OXR1: variants seen among roughly 807,000 people sequenced by gnomAD.
OXR1 encodes the protein oxidation resistance 1.
OXR1 carries 41 observed loss-of-function variants against 104.6 expected under a neutral mutation model. That is an observed-to-expected ratio of 0.39 (90% CI 0.31 to 0.51). The LOEUF (loss-of-function observed/expected upper bound fraction) is 0.51, where lower values mean the gene tolerates loss of function less well. Ranked by LOEUF, OXR1 falls within the 20% of genes least tolerant of loss-of-function variation. The probability of loss-of-function intolerance (pLI) is 0.77; values close to 1 mark genes in which losing one functional copy is unlikely to be tolerated. For missense variants in OXR1, 955 were observed against 1,031.9 expected (o/e 0.93, Z 1.02); for synonymous variants, 348 against 348.4 (o/e 1.00, Z 0.01).
At chr8:106,577,046 A>G (rs1194195689) in intron 3 of OXR1, among the ~76,000 whole-genome samples, 1 of 152,148 alleles carries the variant, frequency 6.6e-6, no homozygotes, top group East Asian at 1.9e-4. Flanking sequence ...AAATTATTAA[A>G]TGTATGAGCT....
At chr8:106,304,170 C>A (rs1813380743) in intron 1 of OXR1, among the ~76,000 whole-genome samples, 2 of 152,114 alleles carry the variant, frequency 1.3e-5, no homozygotes, top group African/African-American at 4.8e-5. Flanking sequence ...CTATGCTAAA[C>A]CAAAATCTTG....
At chr8:106,493,103 A>T (rs1811203625) in intron 2 of OXR1, among the ~76,000 whole-genome samples, 1 of 152,172 alleles carries the variant, frequency 6.6e-6, no homozygotes, top group South Asian at 2.1e-4. Context: ...TGCATTATAA[A>T]TTATTATACA....
chr8:106,741,372 C>G (rs957246600), intron 14 of OXR1, among the ~76,000 whole-genome samples: 1 of 152,064 alleles, frequency 6.6e-6, no homozygotes, highest in Non-Finnish European at 1.5e-5. Context: ...GTAGTTGAGA[C>G]TATTGATGAG....
intron 2 of OXR1, among the ~76,000 whole-genome samples, chr8:106,478,851 A>G (rs1821947002): frequency 1.3e-5 from 2 of 151,914 alleles, no homozygotes; most frequent in Admixed American, 6.6e-5. Flanking sequence ...TAGGTTTCTA[A>G]GAAAAATTGG....
At chr8:106,564,857 A>G (rs963475728) in intron 3 of OXR1, among the ~76,000 whole-genome samples, 2 of 152,224 alleles carry the variant, frequency 1.3e-5, no homozygotes, top group Admixed American at 6.5e-5. Flanking sequence ...AATCCATCAC[A>G]TAAACAGAAC....
At chr8:106,547,717 T>A (rs1815483191) in intron 3 of OXR1, among the ~76,000 whole-genome samples, 2 of 152,108 alleles carry the variant, frequency 1.3e-5, no homozygotes, top group Admixed American at 6.6e-5. Flanking sequence ...GGTCTCGAAC[T>A]ACTGACCTCA....
intron 3 of OXR1, among the ~76,000 whole-genome samples, chr8:106,605,873 C>G (rs1220405245): frequency 6.6e-6 from 1 of 151,614 alleles, no homozygotes; most frequent in African/African-American, 2.4e-5. Flanking sequence ...CCACTTCCTA[C>G]TTAGGTTGAA....
intron 2 of OXR1, among the ~76,000 whole-genome samples, chr8:106,500,798 G>A (rs1054355196): frequency 1.3e-5 from 2 of 152,190 alleles, no homozygotes; most frequent in Non-Finnish European, 2.9e-5. Flanking sequence ...ATATGTGAAT[G>A]TGCAACAAAA....
intron 11 of OXR1, chr8:106,726,093 C>T: frequency 7.8e-7 from 1 of 1,276,474 alleles, no homozygotes; most frequent in South Asian, 1.6e-5. Flanking sequence ...GATTAGCTCT[C>T]TCTCTTGTCA....
At chr8:106,468,064 GAGACAGGA>G (rs1821275290) in intron 2 of OXR1, among the ~76,000 whole-genome samples, 1 of 151,806 alleles carries the variant, frequency 6.6e-6, no homozygotes, top group Non-Finnish European at 1.5e-5. Context: ...TTATGGGAAT[GAGACAGGA>G]AGACAGGAAG....
intron 2 of OXR1, among the ~76,000 whole-genome samples, chr8:106,377,387 T>A (rs1451866491): frequency 6.6e-6 from 1 of 152,166 alleles, no homozygotes; most frequent in African/African-American, 2.4e-5. Context: ...GGTCTCACTT[T>A]GTTGCCCAGG....
chr8:106,596,337 T>C (rs1424557239), intron 3 of OXR1, among the ~76,000 whole-genome samples: 1 of 152,024 alleles, frequency 6.6e-6, no homozygotes, highest in East Asian at 1.9e-4. Flanking sequence ...TCCCTGCTAC[T>C]TGGGAGGCTG....
intron 3 of OXR1, among the ~76,000 whole-genome samples, chr8:106,638,105 A>T (rs3134132): frequency 0.57 from 86,984 of 151,916 alleles, 25,390 homozygotes; most frequent in East Asian, 0.7. Flanking sequence ...TCCTAAGGGC[A>T]GGATATCCAT....
chr8:106,476,342 C>T lies in OXR1; in HGVS notation c.24-42601C>T, dbSNP rs192425574. 4.7e-3 allele frequency among the ~76,000 whole-genome samples: 711 copies of T among 151,994 alleles called. 5 individuals carry two copies. The highest frequency in any genetic ancestry group is 7.7e-3 in the South Asian group (37 of 4,816). On this transcript the variant is annotated intron_variant, in intron 2 of 16. Transcript: ENST00000517566. ...ACTTCTTGAATTCAATAACTCAAAG[C>T]GTTGATGAACCCAATCAAGATAAAG... is the stretch of plus-strand genomic sequence containing the variant.
At chr8:106,575,856 A>G (rs1185350359) in intron 3 of OXR1, among the ~76,000 whole-genome samples, 30 of 152,068 alleles carry the variant, frequency 2.0e-4, no homozygotes, top group Admixed American at 2.0e-3. Context: ...AAATCCTAAC[A>G]CATTTGATTA....
chr8:106,610,057 T>C (rs1820698707), intron 3 of OXR1, among the ~76,000 whole-genome samples: 1 of 152,172 alleles, frequency 6.6e-6, no homozygotes, highest in East Asian at 1.9e-4. Context: ...TCACTAGTAA[T>C]ATACAGTAAA....
At chr8:106,320,351 T>A (rs1386223069) in intron 1 of OXR1, among the ~76,000 whole-genome samples, 3 of 152,142 alleles carry the variant, frequency 2.0e-5, no homozygotes, top group African/African-American at 7.2e-5. Flanking sequence ...CAAGTATTTG[T>A]CCCCTTTACC....
chr8:106,708,258 T>C (rs1374179752), intron 9 of OXR1, among the ~76,000 whole-genome samples: 1 of 151,918 alleles, frequency 6.6e-6, no homozygotes, highest in African/African-American at 2.4e-5. Flanking sequence ...TCGTCAGACA[T>C]GGTGATGGTG....
At chr8:106,495,961 T>C (rs1811386892) in intron 2 of OXR1, among the ~76,000 whole-genome samples, 1 of 152,212 alleles carries the variant, frequency 6.6e-6, no homozygotes, top group Admixed American at 6.5e-5. Context: ...ACTGTAGATT[T>C]ATAGTTACTA....
Sources: gnomAD v4.1 joint callset for allele counts (sites outside exome capture counted in the v4.1 genomes callset) on GRCh38, gnomAD v4.1.1 for gene constraint, MANE v1.5 for transcripts, NCBI Gene and HGNC (gene_info 2026-07-23, HGNC 2026-07-21) for gene names.